The following KCTD16 variants were observed in gnomAD, a reference collection of about 807,000 sequenced individuals.
KCTD16 encodes the protein potassium channel tetramerization domain containing 16.
KCTD16 carries 13 observed loss-of-function variants against 33.2 expected under a neutral mutation model. The ratio of observed to expected loss-of-function variants is 0.39; its 90% confidence interval spans 0.25 to 0.62. The LOEUF (loss-of-function observed/expected upper bound fraction) is 0.62, where lower values mean the gene tolerates loss of function less well. KCTD16 is among the 20% of genes least tolerant of loss of function. The probability of loss-of-function intolerance (pLI) is 0.50; values close to 1 mark genes in which losing one functional copy is unlikely to be tolerated. For missense variants in KCTD16, 441 were observed against 525.1 expected, an observed-to-expected ratio of 0.84 and a Z score of 1.57; for synonymous variants, 197 against 195.3, an observed-to-expected ratio of 1.01 and a Z score of -0.07.
intron 3 of KCTD16, among the ~76,000 whole-genome samples, chr5:144,276,688 G>C (rs928605739): frequency 2.0e-5 from 3 of 152,098 alleles, no homozygotes; most frequent in South Asian, 2.1e-4. Flanking sequence ...TGGATCTCTT[G>C]AGGTCAGGAG....
At chr5:144,300,880 G>T (rs1283771393) in intron 3 of KCTD16, among the ~76,000 whole-genome samples, 1 of 152,138 alleles carries the variant, frequency 6.6e-6, no homozygotes, top group African/African-American at 2.4e-5. Flanking sequence ...CTCAAGAAAT[G>T]GCAGGGAGTT....
At chr5:144,193,734 T>A (rs1752888375) in intron 2 of KCTD16, among the ~76,000 whole-genome samples, 1 of 152,128 alleles carries the variant, frequency 6.6e-6, no homozygotes, top group South Asian at 2.1e-4. Flanking sequence ...CATGGCTCCA[T>A]AATTATTTCT....
chr5:144,457,885 T>G (rs1754103565), intron 3 of KCTD16, among the ~76,000 whole-genome samples: 1 of 152,130 alleles, frequency 6.6e-6, no homozygotes, highest in South Asian at 2.1e-4. Flanking sequence ...ATGCTGGTCT[T>G]ATACCGTAAC....
intron 3 of KCTD16, among the ~76,000 whole-genome samples, chr5:144,210,441 T>C (rs576373627): frequency 6.6e-6 from 1 of 152,252 alleles, no homozygotes; most frequent in African/African-American, 2.4e-5. Context: ...AAGAAACGTC[T>C]ACCCTAGGGA....
intron 3 of KCTD16, among the ~76,000 whole-genome samples, chr5:144,317,208 T>G (rs952055712): frequency 6.6e-6 from 1 of 152,046 alleles, no homozygotes; most frequent in African/African-American, 2.4e-5. Context: ...AACATAAACA[T>G]TAAGGAGTGC....
At chr5:144,444,208 C>A (rs554750307) in intron 3 of KCTD16, among the ~76,000 whole-genome samples, 2 of 149,916 alleles carry the variant, frequency 1.3e-5, no homozygotes, top group African/African-American at 5.1e-5. Flanking sequence ...AACCCCTCCC[C>A]CCTCCACACA....
At chr5:144,357,545 A>G (rs899744301) in intron 3 of KCTD16, among the ~76,000 whole-genome samples, 1 of 152,206 alleles carries the variant, frequency 6.6e-6, no homozygotes, top group Admixed American at 6.5e-5. Context: ...GTGCTATAGT[A>G]GAGTCTGGGC....
intron 3 of KCTD16, among the ~76,000 whole-genome samples, chr5:144,417,773 T>C (rs1246877407): frequency 1.3e-5 from 2 of 152,202 alleles, no homozygotes; most frequent in Non-Finnish European, 2.9e-5. Flanking sequence ...TTTTTGGGTC[T>C]ATGTTGTAAA....
intron 3 of KCTD16, among the ~76,000 whole-genome samples, chr5:144,331,432 TA>T (rs1307225334): frequency 6.6e-6 from 1 of 152,166 alleles, no homozygotes; most frequent in Non-Finnish European, 1.5e-5. Flanking sequence ...GCTACTTAAA[TA>T]TGCAAAAAGA....
intron 2 of KCTD16, among the ~76,000 whole-genome samples, chr5:144,176,387 CTTTTTTTT>C (rs368578231): frequency 2.8e-5 from 3 of 106,660 alleles, no homozygotes; most frequent in Admixed American, 1.1e-4. Flanking sequence ...TATAGTGTTT[CTTTTTTTT>C]TTTTTTTTTT....
intron 3 of KCTD16, among the ~76,000 whole-genome samples, chr5:144,448,063 C>T (rs1270152954): frequency 6.7e-6 from 1 of 148,456 alleles, no homozygotes; most frequent in Non-Finnish European, 1.5e-5. Flanking sequence ...ATTGTGATGC[C>T]GTTTAACAAG....
intron 2 of KCTD16, among the ~76,000 whole-genome samples, chr5:144,184,911 A>G (rs1326913141): frequency 6.6e-6 from 1 of 152,228 alleles, no homozygotes; most frequent in Non-Finnish European, 1.5e-5. Flanking sequence ...AGTTAGCAAC[A>G]TGGTAAGAGC....
intron 3 of KCTD16, among the ~76,000 whole-genome samples, chr5:144,308,454 G>A (rs972179779): frequency 1.3e-5 from 2 of 152,226 alleles, no homozygotes; most frequent in African/African-American, 4.8e-5. Flanking sequence ...GGGTGGGCAG[G>A]TGTTGATTTT....
At chr5:144,266,038 A>G (rs1755133555) in intron 3 of KCTD16, among the ~76,000 whole-genome samples, 2 of 151,506 alleles carry the variant, frequency 1.3e-5, no homozygotes, top group East Asian at 3.9e-4. Flanking sequence ...ACTTTTAAAA[A>G]CATTGAATCC....
At chr5:144,221,413 C>T (rs1480386598) in intron 3 of KCTD16, among the ~76,000 whole-genome samples, 1 of 152,050 alleles carries the variant, frequency 6.6e-6, no homozygotes, top group Non-Finnish European at 1.5e-5. Flanking sequence ...GTTATGACTC[C>T]CCTTGCCCCC....
chr5:144,373,010 G>A (rs531558059), intron 3 of KCTD16, among the ~76,000 whole-genome samples: 36 of 152,256 alleles, frequency 2.4e-4, no homozygotes, highest in African/African-American at 7.9e-4. Flanking sequence ...GGGAACAGAG[G>A]ACAAGGGACA....
At chr5:144,405,808 T>C (rs771682994) in intron 3 of KCTD16, among the ~76,000 whole-genome samples, 5 of 152,180 alleles carry the variant, frequency 3.3e-5, no homozygotes, top group Non-Finnish European at 7.4e-5. Flanking sequence ...GAATCTCCAG[T>C]AGAATGACCA....
intron 2 of KCTD16, among the ~76,000 whole-genome samples, chr5:144,202,035 C>G (rs766891879): frequency 1.3e-5 from 2 of 152,216 alleles, no homozygotes; most frequent in Non-Finnish European, 2.9e-5. Context: ...AAGCAGGAAA[C>G]AGAGGCGAAA....
intron 3 of KCTD16, among the ~76,000 whole-genome samples, chr5:144,420,650 T>G (rs779801481): frequency 1.3e-5 from 2 of 152,140 alleles, no homozygotes; most frequent in Non-Finnish European, 2.9e-5. Flanking sequence ...GGGAACTGCT[T>G]TTAATTTTCA....
Sources: gnomAD v4.1 joint callset for allele counts (sites outside exome capture counted in the v4.1 genomes callset) on GRCh38, gnomAD v4.1.1 for gene constraint, MANE v1.5 for transcripts, NCBI Gene and HGNC (gene_info 2026-07-23, HGNC 2026-07-21) for gene names.